Variants in CACNA1A observed in about 807,000 individuals in gnomAD.
CACNA1A encodes calcium voltage-gated channel subunit alpha1 A.
In CACNA1A, 57 loss-of-function variants were observed where a neutral mutation model predicts 262.4. The ratio of observed to expected loss-of-function variants is 0.22; its 90% CI spans 0.18 to 0.27. The LOEUF (loss-of-function observed/expected upper bound fraction) is 0.27. CACNA1A is among the 10% of genes least tolerant of loss of function. The pLI is 1.00. For missense variants in CACNA1A, 2,526 were observed against 3,562.8 expected, an observed-to-expected ratio of 0.71 and a Z score of 7.41; for synonymous variants, 1,431 against 1,419.3, an observed-to-expected ratio of 1.01 and a Z score of -0.18.
chr19:13,253,127 G>A (rs763914477), intron 29 of CACNA1A, 26 bp from the exon 30 acceptor site: 19 of 1,485,388 alleles, frequency 1.3e-5, no homozygotes, highest in Non-Finnish European at 1.8e-5. Flanking sequence ...AGGAGTAGCA[G>A]GGGTCAGCGA....
chr19:13,411,389 C>A (rs2060106701), intron 3 of CACNA1A, among the ~76,000 whole-genome samples: 2 of 152,120 alleles, frequency 1.3e-5, no homozygotes, highest in African/African-American at 4.8e-5. Context: ...ATCATGGGGG[C>A]AGTTTCCCCC....
intron 11 of CACNA1A, among the ~76,000 whole-genome samples, chr19:13,313,516 A>G (rs1262471931): frequency 6.6e-6 from 1 of 151,104 alleles, no homozygotes; most frequent in Non-Finnish European, 1.5e-5. Flanking sequence ...AAAAAAAAAA[A>G]AAAAAGCAAC....
At chr19:13,283,503 C>G in intron 21 of CACNA1A, 107 bp from the exon 22 acceptor site, 6 of 1,419,126 alleles carry the variant, frequency 4.2e-6, no homozygotes, top group Non-Finnish European at 5.8e-6. Context: ...CTCCAACCCC[C>G]AAGGCCTCCT....
At chr19:13,319,392 TCATCCATTCATC>T (rs1032631610) in intron 10 of CACNA1A, among the ~76,000 whole-genome samples, 5 of 152,328 alleles carry the variant, frequency 3.3e-5, no homozygotes, top group Non-Finnish European at 5.9e-5. Context: ...ATTCATTTGC[TCATCCATTCATC>T]CATCCATTCG....
At chr19:13,279,516 C>T (rs954886997) in intron 22 of CACNA1A, among the ~76,000 whole-genome samples, 6 of 152,024 alleles carry the variant, frequency 3.9e-5, no homozygotes, top group African/African-American at 1.2e-4. Flanking sequence ...GATGGTGTCT[C>T]ACTCTGTCAC....
chr19:13,500,255 G>T (rs923440612), intron 1 of CACNA1A, among the ~76,000 whole-genome samples: 2 of 152,196 alleles, frequency 1.3e-5, no homozygotes, highest in African/African-American at 4.8e-5. Flanking sequence ...TTTATAGGAC[G>T]CCTGCTTTGT....
At chr19:13,490,174 C>T (rs1159406414) in intron 1 of CACNA1A, among the ~76,000 whole-genome samples, 1 of 152,178 alleles carries the variant, frequency 6.6e-6, no homozygotes, top group Non-Finnish European at 1.5e-5. Context: ...CTATGTGCCA[C>T]GCATGATGTT....
At chr19:13,364,661 G>C (rs2059175382) in intron 5 of CACNA1A, 2 of 152,138 alleles carry the variant, frequency 1.3e-5, no homozygotes, top group South Asian at 4.2e-4. Context: ...ATTTATTTGA[G>C]ATGGAGTCTC....
chr19:13,463,916 T>C (rs1025489479), intron 1 of CACNA1A, among the ~76,000 whole-genome samples: 4 of 152,158 alleles, frequency 2.6e-5, no homozygotes, highest in East Asian at 1.9e-4. Flanking sequence ...GGCAGTTTCC[T>C]TCTCTGAGCC....
rs2054600113 is a variant in CACNA1A at position 13,207,253 on chromosome 19, T to C, written c.*60A>G. 6.9e-7 allele frequency: 1 copy of C among 1,456,850 alleles called. No individual in the cohort carries two copies. The highest frequency in any genetic ancestry group is 9.0e-7 in the Non-Finnish European group (1 of 1,109,216). 90.2% of individuals were successfully genotyped at this position (1,456,850 alleles called of 1,614,324 possible). A position where few individuals can be genotyped will look rare whatever the true frequency, so the allele number is the denominator to read the frequency against. On this transcript the variant is annotated 3_prime_UTR_variant, in exon 47 of 47. Transcript: ENST00000360228. This position sits in a 1 kb window ranked among gnomAD's most constrained non-coding sequence, Gnocchi z 5.7. ...GCCCCCGCGGCCTCTGCGCGGCTCC[T>C]CGGGTGGGGTGTGTGCGTGGGGTGC...
intron 6 of CACNA1A, among the ~76,000 whole-genome samples, chr19:13,356,535 G>A (rs1030442403): frequency 6.6e-6 from 1 of 152,130 alleles, no homozygotes; most frequent in Non-Finnish European, 1.5e-5. Context: ...GGACAATGAT[G>A]TTTATAACCG....
chr19:13,265,736 C>A (rs573452468), intron 24 of CACNA1A, among the ~76,000 whole-genome samples: 1 of 152,284 alleles, frequency 6.6e-6, no homozygotes, highest in South Asian at 2.1e-4. Flanking sequence ...AAGGAAGCCT[C>A]AGGTAGATGC....
chr19:13,258,922 T>C (rs1032289354), intron 27 of CACNA1A: 2 of 151,792 alleles, frequency 1.3e-5, no homozygotes, highest in African/African-American at 4.8e-5. Context: ...GATGAACAAA[T>C]ATCAATTTCT....
At chr19:13,406,342 C>A (rs1206629017) in intron 3 of CACNA1A, among the ~76,000 whole-genome samples, 1 of 150,300 alleles carries the variant, frequency 6.7e-6, no homozygotes, top group Non-Finnish European at 1.5e-5. Context: ...GTAATCGCAG[C>A]TACTTGGGAG....
rs137905773 is a variant in CACNA1A at position 13,392,030 on chromosome 19, C to CAA, written c.540-20253_540-20252dup. On this transcript the variant is annotated intron_variant, in intron 3 of 46. Transcript: ENST00000360228. ...TGGTTGACAGGGTGAGACCATGTCT[C>CAA]AAAAAAAAAAAAAAAAAGAAAAAAA... is the stretch of plus-strand genomic sequence containing the variant. 2.8e-3 allele frequency among the ~76,000 whole-genome samples: 235 copies of CAA among 84,630 alleles called. 3 individuals are homozygous for CAA. The highest frequency in any genetic ancestry group is 4.6e-3 in the South Asian group (11 of 2,394). 55.5% of individuals were successfully genotyped at this position (84,630 alleles called of 152,430 possible). A position where few individuals can be genotyped will look rare whatever the true frequency, so the allele number is the denominator to read the frequency against.
intron 1 of CACNA1A, among the ~76,000 whole-genome samples, chr19:13,490,784 AGAAAG>A (rs1568701040): frequency 2.5e-5 from 3 of 117,822 alleles, no homozygotes; most frequent in African/African-American, 1.1e-4. Context: ...AGGAAAGGAA[AGAAAG>A]GAAAGAGAAA....
At chr19:13,391,341 T>C (rs556350998) in intron 3 of CACNA1A, among the ~76,000 whole-genome samples, 2 of 152,288 alleles carry the variant, frequency 1.3e-5, no homozygotes, top group Non-Finnish European at 2.9e-5. Flanking sequence ...TAATGTAAAG[T>C]TCTCCCCACT....
chr19:13,490,840 G>A (rs1980766156), intron 1 of CACNA1A, among the ~76,000 whole-genome samples: 1 of 145,500 alleles, frequency 6.9e-6, no homozygotes, highest in African/African-American at 2.6e-5. Flanking sequence ...AAGAAGGGAG[G>A]GAGGGAAGGA....
chr19:13,358,980 C>T (rs975314782), intron 6 of CACNA1A, among the ~76,000 whole-genome samples: 3 of 152,210 alleles, frequency 2.0e-5, no homozygotes, highest in African/African-American at 7.2e-5. Context: ...CCAGCTTGTA[C>T]ATCCAAGCTC....
Sources: gnomAD v4.1 joint callset for allele counts (sites outside exome capture counted in the v4.1 genomes callset) on GRCh38, gnomAD v4.1.1 for gene constraint, Gnocchi (gnomAD v3.1) non-coding constraint, MANE v1.5 for transcripts, NCBI Gene and HGNC (gene_info 2026-07-23, HGNC 2026-07-21) for gene names.